UNC5D: variants seen among roughly 807,000 people sequenced by gnomAD.
UNC5D encodes the protein unc-5 netrin receptor D.
In UNC5D, 39 loss-of-function variants were observed where a neutral mutation model predicts 105.4. The observed-to-expected ratio is 0.37, with a 90% CI of 0.29 to 0.48. The LOEUF (loss-of-function observed/expected upper bound fraction) is 0.48. UNC5D is among the 20% of genes least tolerant of loss of function. The pLI, the probability that UNC5D is intolerant of heterozygous loss-of-function variation, is 0.98. For missense variants in UNC5D, 991 were observed against 1,202.4 expected (o/e 0.82, Z 2.60); for synonymous variants, 452 against 450.4 (o/e 1.00, Z -0.04).
chr8:35,437,050 G>A (rs114712604), intron 1 of UNC5D, among the ~76,000 whole-genome samples: 2,159 of 151,356 alleles, frequency 0.014, 62 homozygotes, highest in African/African-American at 0.049. Flanking sequence ...TTGTTGCCCC[G>A]GCTAGTCTCG....
At chr8:35,365,134 G>A (rs1395384189) in intron 1 of UNC5D, among the ~76,000 whole-genome samples, 7 of 151,976 alleles carry the variant, frequency 4.6e-5, no homozygotes, top group African/African-American at 7.3e-5. Flanking sequence ...AGTTATACTC[G>A]GAGAAATACC....
intron 1 of UNC5D, among the ~76,000 whole-genome samples, chr8:35,287,669 A>G (rs111716940): frequency 6.6e-6 from 1 of 151,910 alleles, no homozygotes; most frequent in African/African-American, 2.4e-5. Context: ...TCAGTCAGGA[A>G]TGATGATGTG....
chr8:35,364,060 G>C (rs1801983162), intron 1 of UNC5D, among the ~76,000 whole-genome samples: 1 of 152,074 alleles, frequency 6.6e-6, no homozygotes, highest in Non-Finnish European at 1.5e-5. Context: ...AGGCCTCCAA[G>C]TAGCTAAGCT....
At chr8:35,578,746 G>T (rs553711401) in intron 3 of UNC5D, among the ~76,000 whole-genome samples, 1 of 152,108 alleles carries the variant, frequency 6.6e-6, no homozygotes. Flanking sequence ...AGAATAACTC[G>T]TATGTAATTG....
chr8:35,661,371 G>A (rs1824093378), intron 4 of UNC5D, among the ~76,000 whole-genome samples: 1 of 152,122 alleles, frequency 6.6e-6, no homozygotes, highest in African/African-American at 2.4e-5. Context: ...AGGCAGGTTG[G>A]TTCTAACGTC....
chr8:35,719,885 C>T (rs1828482282), intron 8 of UNC5D, among the ~76,000 whole-genome samples: 1 of 152,054 alleles, frequency 6.6e-6, no homozygotes, highest in Non-Finnish European at 1.5e-5. Flanking sequence ...CTACCCTGTC[C>T]CTGAAGTTCC....
intron 1 of UNC5D, among the ~76,000 whole-genome samples, chr8:35,346,242 G>A (rs934335535): frequency 1.3e-5 from 2 of 151,972 alleles, no homozygotes; most frequent in Non-Finnish European, 2.9e-5. Flanking sequence ...TTCTTTGTGT[G>A]GGAATGCATG....
At chr8:35,257,930 A>C (rs1804194202) in intron 1 of UNC5D, among the ~76,000 whole-genome samples, 1 of 152,234 alleles carries the variant, frequency 6.6e-6, no homozygotes, top group Non-Finnish European at 1.5e-5. Flanking sequence ...TTCATTTTCA[A>C]TTCATTCCAA....
chr8:35,395,576 G>A (rs932538395), intron 1 of UNC5D, among the ~76,000 whole-genome samples: 1 of 152,098 alleles, frequency 6.6e-6, no homozygotes, highest in East Asian at 1.9e-4. Flanking sequence ...GTAGTAGAGA[G>A]TAAATCATTT....
chr8:35,349,819 C>A (rs1812073113), intron 1 of UNC5D, among the ~76,000 whole-genome samples: 1 of 151,890 alleles, frequency 6.6e-6, no homozygotes, highest in South Asian at 2.1e-4. Context: ...AGGGTAGAGA[C>A]CTAATAAAAT....
chr8:35,570,845 C>T (rs1172452459), intron 3 of UNC5D, among the ~76,000 whole-genome samples: 2 of 151,920 alleles, frequency 1.3e-5, no homozygotes, highest in Non-Finnish European at 2.9e-5. Flanking sequence ...ATAATCCCAG[C>T]TACTCGGGAG....
At chr8:35,379,902 A>T (rs73588026) in intron 1 of UNC5D, among the ~76,000 whole-genome samples, 1 of 151,932 alleles carries the variant, frequency 6.6e-6, no homozygotes, top group East Asian at 1.9e-4. Flanking sequence ...ACATTTTTAT[A>T]TATCGTCTTA....
At chr8:35,413,025 C>T (rs149358841) in intron 1 of UNC5D, among the ~76,000 whole-genome samples, 2 of 152,156 alleles carry the variant, frequency 1.3e-5, no homozygotes, top group Non-Finnish European at 2.9e-5. Context: ...ATTTCACTGT[C>T]AATTCAGTTT....
At chr8:35,757,423 C>G (rs1830564329) in intron 13 of UNC5D, among the ~76,000 whole-genome samples, 1 of 152,164 alleles carries the variant, frequency 6.6e-6, no homozygotes, top group Admixed American at 6.5e-5. Context: ...AGTGTTCTCT[C>G]CTTCCTTTTC....
chr8:35,490,283 G>A (rs545587348), intron 1 of UNC5D, among the ~76,000 whole-genome samples: 16 of 152,134 alleles, frequency 1.1e-4, no homozygotes, highest in Non-Finnish European at 2.4e-4. Context: ...TGGGAGGATT[G>A]CTTGAGGCCA....
In UNC5D at chr8:35,259,819, G is replaced by A. The variant is rs572474458; in HGVS notation, c.103+23932G>A. On this transcript the variant is annotated intron_variant, in intron 1 of 16. Coordinates refer to ENST00000404895, the MANE Select transcript of UNC5D (RefSeq NM_080872.4). ...ATCCTGCGGGCCAGTGTATGTGGACGCTGGTAAAAAGGTGGAGGAAGTGGG... is the reference window on the plus strand; with the variant it reads ...ATCCTGCGGGCCAGTGTATGTGGACACTGGTAAAAAGGTGGAGGAAGTGGG... Among the ~76,000 whole-genome samples the A allele has an allele frequency of 4.6e-5, 7 of 151,686 alleles. 1 individual carries two copies. The South Asian group carries it at 1.0e-3, about 23-fold the overall frequency.
In UNC5D at chr8:35,442,916, A is replaced by T. The variant is rs1174514134; in HGVS notation, c.104-106376A>T. On this transcript the variant is annotated intron_variant, in intron 1 of 16. Coordinates refer to ENST00000404895, the MANE Select transcript of UNC5D (RefSeq NM_080872.4). ...CTCTCTCTCTCTCTCACACACACACACACACACACACACACACACAACACA... is the reference window on the plus strand; with the variant it reads ...CTCTCTCTCTCTCTCACACACACACTCACACACACACACACACACAACACA... Among the ~76,000 whole-genome samples, 8 of 150,788 alleles carry T rather than the reference A, an allele frequency of 5.3e-5. No individual in the cohort carries two copies. The East Asian group carries it at 7.9e-4, about 15-fold the overall frequency.
intron 1 of UNC5D, among the ~76,000 whole-genome samples, chr8:35,267,210 G>T (rs888123635): frequency 1.3e-5 from 2 of 151,118 alleles, no homozygotes; most frequent in African/African-American, 2.4e-5. Context: ...GGCGGAAAAA[G>T]AATTTTTCCA....
intron 1 of UNC5D, among the ~76,000 whole-genome samples, chr8:35,483,489 A>G: frequency 6.6e-6 from 1 of 152,206 alleles, no homozygotes; most frequent in East Asian, 1.9e-4. Flanking sequence ...AGTCTTCCTG[A>G]AGCATACTAT....
Sources: allele counts gnomAD v4.1 joint callset (sites outside exome capture counted in the v4.1 genomes callset), GRCh38; gene constraint gnomAD v4.1.1; transcripts MANE v1.5; gene names NCBI Gene and HGNC (gene_info 2026-07-23, HGNC 2026-07-21).